DCBLD2: variants seen among roughly 807,000 people sequenced by gnomAD.
The protein encoded by DCBLD2 is discoidin, CUB and LCCL domain containing 2.
Under a neutral mutation model 86.8 loss-of-function variants are expected in DCBLD2, and 54 were observed. The ratio of observed to expected loss-of-function variants is 0.62; its 90% confidence interval spans 0.50 to 0.78. The LOEUF (loss-of-function observed/expected upper bound fraction) is 0.78, where lower values mean the gene tolerates loss of function less well. Ranked by LOEUF, DCBLD2 falls within the 30% of genes least tolerant of loss-of-function variation. DCBLD2 has a pLI of 0.00. For synonymous variants in DCBLD2, 354 were observed against 341.3 expected (o/e 1.04, Z -0.41); for missense variants, 908 against 954.2 (o/e 0.95, Z 0.64).
At chr3:98,847,960 A>T (rs1242754131) in intron 3 of DCBLD2, among the ~76,000 whole-genome samples, 1 of 152,140 alleles carries the variant, frequency 6.6e-6, no homozygotes, top group Non-Finnish European at 1.5e-5. Context: ...TTTGGATTTT[A>T]TTCTATTTGA....
At chr3:98,853,578 T>C (rs1421939078) in intron 2 of DCBLD2, among the ~76,000 whole-genome samples, 4 of 152,196 alleles carry the variant, frequency 2.6e-5, no homozygotes, top group Non-Finnish European at 5.9e-5. Context: ...TTGTACAGAG[T>C]ATAGAGACCT....
intron 3 of DCBLD2, among the ~76,000 whole-genome samples, chr3:98,842,360 T>C (rs1942637382): frequency 3.9e-5 from 6 of 152,216 alleles, no homozygotes; most frequent in African/African-American, 1.4e-4. Flanking sequence ...TATTATTGTG[T>C]GGTCCTAAGA....
rs560253898 is a variant in DCBLD2 at position 98,845,737 on chromosome 3, C to T, written c.571+3724G>A. 3.2e-4 allele frequency among the ~76,000 whole-genome samples: 48 copies of T among 152,270 alleles called. 1 individual carries two copies. Among genetic ancestry groups the T allele is most frequent in the Admixed American group, 2.9e-3 (44 of 15,302 alleles). On this transcript the variant is annotated intron_variant, in intron 3 of 15. Coordinates refer to ENST00000326840, the MANE Select transcript of DCBLD2 (RefSeq NM_080927.4). ...TCAGAATAATGAAGCCTACTCTCCCCCAACCCAATCTACTTCAGCTACTCT... is the reference window on the plus strand; with the variant it reads ...TCAGAATAATGAAGCCTACTCTCCCTCAACCCAATCTACTTCAGCTACTCT...
rs1284419510 is a variant in DCBLD2, at chr3:98,796,607, T to C, written c.*2765A>G. Reference sequence around the variant, plus strand: ...CATACTTACTGCATTAATTCTTCACTCGAACCGTTTACATCAGCGAATAAA... The same window carrying C: ...CATACTTACTGCATTAATTCTTCACCCGAACCGTTTACATCAGCGAATAAA... On this transcript the variant is annotated 3_prime_UTR_variant, in exon 16 of 16. Transcript: ENST00000326840. The C allele has an allele frequency of 6.6e-6, 1 of 152,608 alleles. No homozygotes were observed. Among genetic ancestry groups the C allele is most frequent in the Admixed American group, 6.5e-5 (1 of 15,274 alleles). 9.5% of individuals were successfully genotyped at this position (152,608 alleles called of 1,614,324 possible).
intron 3 of DCBLD2, among the ~76,000 whole-genome samples, chr3:98,826,340 C>A (rs1942220613): frequency 6.6e-6 from 1 of 152,196 alleles, no homozygotes. Context: ...TTGTTTTGGT[C>A]CCCTGGCACA....
At chr3:98,857,377 C>T (rs1421730271) in intron 2 of DCBLD2, among the ~76,000 whole-genome samples, 1 of 152,206 alleles carries the variant, frequency 6.6e-6, no homozygotes, top group East Asian at 1.9e-4. Flanking sequence ...CCACTGCTGG[C>T]TCGCCACTGC....
At chr3:98,865,279 C>G (rs1182190745) in intron 2 of DCBLD2, among the ~76,000 whole-genome samples, 2 of 151,664 alleles carry the variant, frequency 1.3e-5, no homozygotes, top group African/African-American at 4.8e-5. Flanking sequence ...TACTATTCAG[C>G]CTGTATTAAA....
intron 1 of DCBLD2, among the ~76,000 whole-genome samples, chr3:98,884,647 G>A (rs1410062889): frequency 2.0e-5 from 3 of 152,026 alleles, no homozygotes; most frequent in Non-Finnish European, 4.4e-5. Context: ...CTACTGAAAA[G>A]ATGAAAACAT....
chr3:98,848,967 C>T (rs542145431), intron 3 of DCBLD2, among the ~76,000 whole-genome samples: 10 of 152,202 alleles, frequency 6.6e-5, no homozygotes, highest in Admixed American at 3.3e-4. Context: ...GTCAGGAGTT[C>T]GAGACCAGCC....
At chr3:98,893,786 G>C (rs1426001620) in intron 1 of DCBLD2, among the ~76,000 whole-genome samples, 1 of 152,194 alleles carries the variant, frequency 6.6e-6, no homozygotes, top group Non-Finnish European at 1.5e-5. Context: ...ATGTAGCAGT[G>C]CTCTGATAAA....
intron 1 of DCBLD2, among the ~76,000 whole-genome samples, chr3:98,897,625 T>C (rs1410950318): frequency 6.6e-6 from 1 of 152,146 alleles, no homozygotes; most frequent in Non-Finnish European, 1.5e-5. Context: ...ATAAACTTTT[T>C]CACATATTGG....
chr3:98,804,650 A>G (rs1273925114), intron 13 of DCBLD2, among the ~76,000 whole-genome samples: 1 of 152,146 alleles, frequency 6.6e-6, no homozygotes, highest in East Asian at 1.9e-4. Flanking sequence ...TGTCAATTTT[A>G]GAACTTTCCT....
intron 3 of DCBLD2, among the ~76,000 whole-genome samples, chr3:98,847,704 C>T (rs994573054): frequency 2.6e-5 from 4 of 152,172 alleles, no homozygotes; most frequent in African/African-American, 9.7e-5. Flanking sequence ...CTCATTTATA[C>T]AATATGAAGT....
chr3:98,819,411 T>G lies in DCBLD2; in HGVS notation c.878A>C (p.Tyr293Ser), dbSNP rs554514897. ...ACCAGACTCCATCCCCAGTGTTCCA[T>G]AACATCCTGAAACAAAGAAAAGACT... ...SLFTFKTSGC[Y>S]GTLGMESGVI... The change falls in exon 8 of 16, where the codon TAT becomes TCT. Residue 293 changes from tyrosine (Y) to serine (S), a missense_variant. Tyr to Ser is a moderately radical substitution (Grantham distance 144). Transcript: ENST00000326840. 1.3e-5 allele frequency: 21 copies of G among 1,613,754 alleles called. No individual in the cohort carries two copies. The highest frequency in any genetic ancestry group is 1.7e-4 in the Middle Eastern group (1 of 6,056).
chr3:98,836,628 G>A (rs1431128666), intron 3 of DCBLD2, among the ~76,000 whole-genome samples: 64 of 134,698 alleles, frequency 4.8e-4, no homozygotes, highest in African/African-American at 5.2e-4. Flanking sequence ...CAGACGGGGC[G>A]GCTGGCCGGG....
chr3:98,876,436 AAAAAAAGG>A (rs1943372932), intron 2 of DCBLD2, among the ~76,000 whole-genome samples: 1 of 130,780 alleles, frequency 7.6e-6, no homozygotes, highest in Non-Finnish European at 1.7e-5. Flanking sequence ...AAAAAAAAAA[AAAAAAAGG>A]CCGTCAACAT....
chr3:98,901,210 G>A lies in DCBLD2; in HGVS notation c.117C>T (p.Cys39=). The change falls in exon 1 of 16, where the codon TGC becomes TGT. Residue 39 remains cysteine, a synonymous_variant. Coordinates refer to ENST00000326840, the MANE Select transcript of DCBLD2 (RefSeq NM_080927.4). ...GCATGGAGAAGGAGGAGGAGTTGGA[G>A]CAGGGAGGGAGGGAGCGGGAGAGGG... The part of the protein sequence containing the change: ...ALPLSRSLPP[C]SNSSSFSMPL... 2.0e-6 allele frequency: 3 copies of A among 1,536,092 alleles called. No homozygotes were observed. The highest frequency in any genetic ancestry group is 1.7e-6 in the Non-Finnish European group (2 of 1,146,500).
intron 13 of DCBLD2, among the ~76,000 whole-genome samples, chr3:98,802,411 T>C (rs1941745305): frequency 6.6e-6 from 1 of 152,224 alleles, no homozygotes; most frequent in Non-Finnish European, 1.5e-5. Context: ...TTGTTTTTTT[T>C]TCTTGTAAAT....
Position 98,901,179 on chromosome 3 carries a change from A to G in DCBLD2, c.148T>C (p.Phe50Leu). ...SNSSSFSMPL[F>L]LLLLLVLLLL... ...AGCAGGACAAGTAAGAGCAGGAGGAACAGAGGCATGGAGAAGGAGGAGGAG... is the reference window on the plus strand; with the variant it reads ...AGCAGGACAAGTAAGAGCAGGAGGAGCAGAGGCATGGAGAAGGAGGAGGAG... Residue 50 changes from phenylalanine (F) to leucine (L), a missense_variant, in exon 1 of 16, where the codon TTC (phenylalanine) becomes CTC (leucine). Phe to Leu is a conservative substitution (Grantham distance 22). Coordinates refer to ENST00000326840, the MANE Select transcript of DCBLD2 (RefSeq NM_080927.4). 1 of 1,537,852 alleles carries G rather than the reference A, an allele frequency of 6.5e-7. No homozygotes were observed. Among genetic ancestry groups the G allele is most frequent in the South Asian group, 1.2e-5 (1 of 84,032 alleles).
Sources: allele counts gnomAD v4.1 joint callset (sites outside exome capture counted in the v4.1 genomes callset), GRCh38; gene constraint gnomAD v4.1.1; transcripts MANE v1.5; gene names NCBI Gene and HGNC (gene_info 2026-07-23, HGNC 2026-07-21).